OSBPL8: variants seen among roughly 807,000 people sequenced by gnomAD.
The protein encoded by OSBPL8 is oxysterol binding protein like 8.
In OSBPL8, 59 loss-of-function variants were observed where a neutral mutation model predicts 125.5. The observed-to-expected ratio is 0.47, with a 90% CI of 0.38 to 0.58. The LOEUF (loss-of-function observed/expected upper bound fraction) is 0.58. Among genes scored for constraint, OSBPL8 ranks in the 20% least tolerant of loss-of-function variants. OSBPL8 has a pLI of 0.00. For synonymous variants in OSBPL8, 330 were observed against 338.9 expected (o/e 0.97, Z 0.29); for missense variants, 758 against 1,047.8 (o/e 0.72, Z 3.82).
At chr12:76,482,767 G>T (rs902658766) in intron 2 of OSBPL8, among the ~76,000 whole-genome samples, 2 of 152,144 alleles carry the variant, frequency 1.3e-5, no homozygotes, top group Non-Finnish European at 2.9e-5. Flanking sequence ...AATTTCTAGA[G>T]TGAAAACTGT....
Position 76,373,394 on chromosome 12 carries a change from C to T in OSBPL8, c.1867G>A (p.Gly623Arg). ...ACTTCTTTTCCCAGTTTAAGTTTCC[C>T]TGATATTTGATTAACACAGTCACTA... ...GSSDCVNQIS[G>R]KLKLGKEVLA... Residue 623 changes from glycine (G) to arginine (R), a missense_variant, in exon 18 of 24, where the codon GGG becomes AGG. By Grantham distance (125) the Gly-to-Arg change is moderately radical (BLOSUM62 -2). Coordinates refer to ENST00000261183, the MANE Select transcript of OSBPL8 (RefSeq NM_020841.5). 1 of 1,609,654 alleles carries T rather than the reference C, an allele frequency of 6.2e-7. No individual in the cohort carries two copies. Among genetic ancestry groups the T allele is most frequent in the Non-Finnish European group, 8.5e-7 (1 of 1,177,412 alleles).
intron 4 of OSBPL8, among the ~76,000 whole-genome samples, chr12:76,427,331 G>A (rs953361199): frequency 6.6e-6 from 1 of 151,828 alleles, no homozygotes; most frequent in Non-Finnish European, 1.5e-5. Context: ...AATTATATAT[G>A]TATACTCGCA....
At chr12:76,390,263 G>A (rs1042365603) in intron 11 of OSBPL8, 157 bp downstream of exon 11, 12 of 586,572 alleles carry the variant, frequency 2.0e-5, no homozygotes, top group African/African-American at 2.0e-4. Context: ...TTAGTTGTTT[G>A]TAAATCCCAA....
chr12:76,480,946 T>C (rs1045061817), intron 2 of OSBPL8, among the ~76,000 whole-genome samples: 2 of 152,180 alleles, frequency 1.3e-5, no homozygotes, highest in African/African-American at 2.4e-5. Flanking sequence ...GAGTGGGTTA[T>C]GTAACTGAGC....
chr12:76,446,104 G>T, intron 4 of OSBPL8, among the ~76,000 whole-genome samples: 1 of 152,142 alleles, frequency 6.6e-6, no homozygotes, highest in Non-Finnish European at 1.5e-5. Flanking sequence ...GTCCTCGTAA[G>T]AATTCCATGA....
chr12:76,416,931 G>A (rs1215642133), intron 4 of OSBPL8, among the ~76,000 whole-genome samples: 2 of 151,966 alleles, frequency 1.3e-5, no homozygotes, highest in African/African-American at 4.8e-5. Flanking sequence ...TGTGTTTAGT[G>A]GTTACACTCA....
intron 5 of OSBPL8, among the ~76,000 whole-genome samples, chr12:76,409,628 T>C (rs1281187131): frequency 2.0e-5 from 3 of 152,222 alleles, no homozygotes; most frequent in Non-Finnish European, 4.4e-5. Context: ...TTCTCATACA[T>C]GTTATATAAA....
intron 12 of OSBPL8, among the ~76,000 whole-genome samples, chr12:76,388,506 T>C (rs1407916704): frequency 6.6e-6 from 1 of 152,316 alleles, no homozygotes; most frequent in East Asian, 1.9e-4. Flanking sequence ...CCTTACATTC[T>C]GAGAGAAATG....
intron 4 of OSBPL8, chr12:76,423,004 A>G (rs1262282248): frequency 6.3e-6 from 1 of 157,854 alleles, no homozygotes; most frequent in East Asian, 1.7e-4. Context: ...TTCAAGATGA[A>G]GCAATAAAGT....
intron 2 of OSBPL8, among the ~76,000 whole-genome samples, chr12:76,484,366 G>C (rs898858138): frequency 2.0e-5 from 3 of 152,126 alleles, no homozygotes; most frequent in Admixed American, 1.3e-4. Context: ...AACTACTCTA[G>C]TGTGGAGCAA....
At chr12:76,405,771 AAACT>A (rs1954236213) in intron 5 of OSBPL8, among the ~76,000 whole-genome samples, 1 of 152,196 alleles carries the variant, frequency 6.6e-6, no homozygotes. Flanking sequence ...ATAGTTTACT[AAACT>A]AAGTTTCCCT....
intron 1 of OSBPL8, among the ~76,000 whole-genome samples, chr12:76,527,517 A>G (rs1041333172): frequency 1.3e-5 from 2 of 152,216 alleles, no homozygotes; most frequent in Admixed American, 6.5e-5. Flanking sequence ...GTCAATTAGA[A>G]TTACATATCT....
intron 5 of OSBPL8, among the ~76,000 whole-genome samples, chr12:76,403,251 C>T (rs1663457458): frequency 6.6e-6 from 1 of 152,208 alleles, no homozygotes; most frequent in South Asian, 2.1e-4. Flanking sequence ...CTAATTCGTA[C>T]AGCGTGTAAA....
At chr12:76,468,044 T>C (rs1875677197) in intron 2 of OSBPL8, among the ~76,000 whole-genome samples, 1 of 152,208 alleles carries the variant, frequency 6.6e-6, no homozygotes, top group African/African-American at 2.4e-5. Flanking sequence ...TGAGGCTTAA[T>C]AATAGTTTAC....
At chr12:76,556,936 T>C (rs1951121379) in intron 1 of OSBPL8, among the ~76,000 whole-genome samples, 1 of 152,182 alleles carries the variant, frequency 6.6e-6, no homozygotes, top group Non-Finnish European at 1.5e-5. Context: ...AGTGCTAGCA[T>C]TACAGGCGTG....
chr12:76,533,272 T>C (rs1290176796), intron 1 of OSBPL8, among the ~76,000 whole-genome samples: 2 of 152,142 alleles, frequency 1.3e-5, no homozygotes, highest in Non-Finnish European at 2.9e-5. Flanking sequence ...AGGTTTTTTT[T>C]AAGACCAGGT....
chr12:76,525,055 T>G (rs1471155513), intron 1 of OSBPL8, among the ~76,000 whole-genome samples: 1 of 152,124 alleles, frequency 6.6e-6, no homozygotes, highest in Non-Finnish European at 1.5e-5. Context: ...ACAAAACAAC[T>G]AGGCTTCTTT....
intron 1 of OSBPL8, among the ~76,000 whole-genome samples, chr12:76,495,931 C>A (rs1879219359): frequency 6.6e-6 from 1 of 152,158 alleles, no homozygotes; most frequent in Non-Finnish European, 1.5e-5. Context: ...AATGTTGGAG[C>A]TCCATGTTTC....
At chr12:76,456,795 A>G (rs113321370) in intron 3 of OSBPL8, among the ~76,000 whole-genome samples, 14 of 152,204 alleles carry the variant, frequency 9.2e-5, no homozygotes, top group Admixed American at 3.3e-4. Context: ...TAAGAAAATC[A>G]TAAGAGAAAA....
Sources: gnomAD v4.1 joint callset for allele counts (sites outside exome capture counted in the v4.1 genomes callset) on GRCh38, gnomAD v4.1.1 for gene constraint, MANE v1.5 for transcripts, NCBI Gene and HGNC (gene_info 2026-07-23, HGNC 2026-07-21) for gene names.